The following NCAN variants were observed in gnomAD, a reference collection of about 807,000 sequenced individuals.
The protein encoded by NCAN is neurocan.
Under a neutral mutation model 121.8 loss-of-function variants are expected in NCAN, and 47 were observed. The observed-to-expected ratio is 0.39, with a 90% confidence interval of 0.31 to 0.49. The LOEUF (loss-of-function observed/expected upper bound fraction) is 0.49. NCAN is among the 20% of genes least tolerant of loss of function. The pLI, the probability that NCAN is intolerant of heterozygous loss-of-function variation, is 0.92. For missense variants in NCAN, 1,517 were observed against 1,773.4 expected (o/e 0.86, Z 2.60); for synonymous variants, 633 against 702.0 (o/e 0.90, Z 1.55).
rs201789808 is a variant in NCAN, at chr19:19,217,460, TC to T, written c.73+440del. Reference sequence around the variant, plus strand: ...CTCTCTGAACTTCAGTTTCCTCAACTCCCCCCAAAGAGAATGAGACATTGCT... The same window carrying T: ...CTCTCTGAACTTCAGTTTCCTCAACTCCCCCAAAGAGAATGAGACATTGCT... On this transcript the variant is annotated intron_variant, in intron 2 of 14. Transcript: ENST00000252575. 4.2e-3 allele frequency among the ~76,000 whole-genome samples: 635 copies of T among 151,802 alleles called. 5 individuals are homozygous for T. The highest frequency in any genetic ancestry group is 0.014 in the African/African-American group (590 of 41,362).
intron 1 of NCAN, among the ~76,000 whole-genome samples, chr19:19,214,727 GGT>G (rs56279536): frequency 0.61 from 86,499 of 140,916 alleles, 27,623 homozygotes; most frequent in Non-Finnish European, 0.72. Context: ...CTGTTAACGG[GGT>G]GTGTGTGTGT....
At chr19:19,215,355 G>C (rs941057749) in intron 1 of NCAN, among the ~76,000 whole-genome samples, 1 of 152,198 alleles carries the variant, frequency 6.6e-6, no homozygotes, top group Non-Finnish European at 1.5e-5. Flanking sequence ...GGTGACCGGG[G>C]TTCGCAGGAG....
At position 19,227,398 on chromosome 19, in the gene NCAN, C is replaced by G. The variant is rs531602650; in HGVS notation, c.1778C>G (p.Pro593Arg). The G allele has an allele frequency of 6.2e-7, 1 of 1,613,702 alleles. No individual in the cohort carries two copies. The highest frequency in any genetic ancestry group is 1.3e-5 in the African/African-American group (1 of 75,034). Residue 593 changes from proline to arginine, a missense_variant, in exon 8 of 15, where the codon CCC becomes CGC. Coordinates refer to ENST00000252575, the MANE Select transcript of NCAN (RefSeq NM_004386.3). This position sits in a 1 kb window ranked among gnomAD's most constrained non-coding sequence, Gnocchi z 4.2. ...CTGGAGCTAGAGAAAGCCGAGGGCC[C>G]CAGTGCCAGGCCAGCCACCCCAGAC... ...PVLELEKAEG[P>R]SARPATPDLF... is the part of the protein sequence containing the mutation.
At chr19:19,243,515 C>CAAAAAAAAA (rs781710638) in intron 12 of NCAN, among the ~76,000 whole-genome samples, 5 of 42,668 alleles carry the variant, frequency 1.2e-4, no homozygotes, top group African/African-American at 4.0e-4. Flanking sequence ...GACTCCATCT[C>CAAAAAAAAA]AAAAAAAAAA....
chr19:19,222,829 C>T (rs1446661427), intron 3 of NCAN, among the ~76,000 whole-genome samples: 1 of 152,066 alleles, frequency 6.6e-6, no homozygotes, highest in Non-Finnish European at 1.5e-5. Context: ...CACATTTGGG[C>T]CGGGCGCGGT....
At position 19,219,078 on chromosome 19, in the gene NCAN, C is replaced by T; in HGVS notation, c.237C>T (p.Thr79=). ...GAGATGCCCCTCGGATAAAGTGGAC[C>T]AAGGTGCGGACTGCGTCGGGCCAGC... ...AARDAPRIKW[T]KVRTASGQRQ... is the part of the protein sequence containing the mutation. The change falls in exon 3 of 15, where the codon ACC becomes ACT. Residue 79 remains threonine (T), a synonymous_variant. Transcript: ENST00000252575. 6.2e-7 allele frequency: 1 copy of T among 1,612,158 alleles called. No individual in the cohort carries two copies. Among genetic ancestry groups the T allele is most frequent in the Non-Finnish European group, 8.5e-7 (1 of 1,178,946 alleles).
At chr19:19,233,660 G>A in intron 8 of NCAN, 129 bp from the exon 9 acceptor site, 1 of 638,406 alleles carries the variant, frequency 1.6e-6, no homozygotes, top group South Asian at 1.9e-5. Context: ...ACCGCTGGTT[G>A]GGGAAGTTAT....
rs1568605443 is a variant in NCAN, at chr19:19,250,507, G to C, written c.*596G>C. 7.8e-6 allele frequency: 2 copies of C among 254,944 alleles called. No homozygotes were observed. Among genetic ancestry groups the C allele is most frequent in the Non-Finnish European group, 7.7e-6 (1 of 129,974 alleles). 15.8% of individuals were successfully genotyped at this position (254,944 alleles called of 1,614,324 possible). ...GGAGATCCCACGTACTGCATTTTAG[G>C]GATGTTTTTAGGACAACCTCCCTCC... is the stretch of plus-strand genomic sequence containing the variant. On this transcript the variant is annotated 3_prime_UTR_variant, in exon 15 of 15. Coordinates refer to ENST00000252575, the MANE Select transcript of NCAN (RefSeq NM_004386.3).
intron 12 of NCAN, among the ~76,000 whole-genome samples, chr19:19,243,820 G>T (rs1361254614): frequency 6.6e-6 from 1 of 152,028 alleles, no homozygotes; most frequent in African/African-American, 2.4e-5. Flanking sequence ...GAGGTCAGGA[G>T]TTCAAGACCA....
At chr19:19,223,934 T>G in intron 3 of NCAN, 87 bp from the exon 4 acceptor site, 1 of 1,339,696 alleles carries the variant, frequency 7.5e-7, no homozygotes, top group Non-Finnish European at 1.0e-6. Flanking sequence ...CAGACAGGGG[T>G]GGGGAGTCAT....
intron 10 of NCAN, among the ~76,000 whole-genome samples, chr19:19,236,870 A>G (rs1276069611): frequency 2.6e-5 from 4 of 151,968 alleles, no homozygotes; most frequent in African/African-American, 9.7e-5. Flanking sequence ...CTGGAACTAC[A>G]GGTTTGTGCC....
intron 10 of NCAN, among the ~76,000 whole-genome samples, chr19:19,236,022 C>T (rs2060879957): frequency 6.6e-6 from 1 of 152,224 alleles, no homozygotes; most frequent in Admixed American, 6.5e-5. Context: ...ACTGGGATTA[C>T]AGCCACTGAG....
intron 10 of NCAN, among the ~76,000 whole-genome samples, chr19:19,235,796 A>T (rs1190472866): frequency 1.3e-5 from 2 of 151,934 alleles, no homozygotes; most frequent in Admixed American, 6.6e-5. Flanking sequence ...GGCTGGATGG[A>T]GTGCAGTGGT....
At position 19,248,785 on chromosome 19, in the gene NCAN, G is replaced by T. The variant is rs756521699; in HGVS notation, c.3723G>T (p.Arg1241Ser). Reference protein sequence around the residue: ...KAKYNVHATVRYQCNEGFAQH... With the variant: ...KAKYNVHATVSYQCNEGFAQH... The stretch of plus-strand genomic sequence containing the variant: ...AGTACAATGTCCATGCCACTGTAAG[G>T]TACCAGTGCAATGAAGGATTTGCCC... Residue 1241 changes from arginine (R) to serine (S), a missense_variant, in exon 14 of 15, where the codon AGG becomes AGT. Arg to Ser is a moderately radical substitution (Grantham distance 110). Transcript: ENST00000252575. 2 of 1,614,188 alleles carry T rather than the reference G, an allele frequency of 1.2e-6. No homozygotes were observed. The highest frequency in any genetic ancestry group is 1.1e-5 in the South Asian group (1 of 91,080).
In NCAN at chr19:19,238,338, C is replaced by T. The variant is rs747778207; in HGVS notation, c.3336C>T (p.Ala1112=). Residue 1112 remains alanine (A), a synonymous_variant, in exon 11 of 15, where the codon GCC becomes GCT. Coordinates refer to ENST00000252575, the MANE Select transcript of NCAN (RefSeq NM_004386.3). ...YFAHRRAWED[A]EKDCRRRSGH... Reference sequence around the variant, plus strand: ...CCCACCGGAGGGCATGGGAAGATGCCGAGAAGGACTGCCGCCGCCGCTCCG... The same window carrying T: ...CCCACCGGAGGGCATGGGAAGATGCTGAGAAGGACTGCCGCCGCCGCTCCG... 223 of 1,614,056 alleles carry T rather than the reference C, an allele frequency of 1.4e-4. No individual in the cohort carries two copies. Among genetic ancestry groups the T allele is most frequent in the Admixed American group, 9.3e-4 (56 of 60,000 alleles).
At chr19:19,236,953 C>G (rs1430573117) in intron 10 of NCAN, among the ~76,000 whole-genome samples, 2 of 152,084 alleles carry the variant, frequency 1.3e-5, no homozygotes, top group African/African-American at 4.8e-5. Context: ...CTCACTCTGT[C>G]ACCTAGGCTG....
At chr19:19,232,024 C>T (rs539882656) in intron 8 of NCAN, among the ~76,000 whole-genome samples, 28 of 151,774 alleles carry the variant, frequency 1.8e-4, no homozygotes, top group South Asian at 1.3e-3. Context: ...AGAGAAGAGA[C>T]GGGCTAGGTG....
chr19:19,218,891 C>T (rs1020436852), intron 2 of NCAN, 24 bp from the exon 3 acceptor site: 26 of 1,473,354 alleles, frequency 1.8e-5, no homozygotes, highest in South Asian at 2.9e-5. Flanking sequence ...GAATCAGGCC[C>T]TCTCTCCACC....
Position 19,225,251 on chromosome 19 carries a change from C to T in NCAN, c.1053C>T (p.Phe351=), listed in dbSNP as rs745823212. ...GCTTCCCCTCACCCGCCGAGCGCTTCGACGCCTACTGCTTCCGAGGTGCGT... is the reference window on the plus strand; with the variant it reads ...GCTTCCCCTCACCCGCCGAGCGCTTTGACGCCTACTGCTTCCGAGGTGCGT... ...RTGFPSPAER[F]DAYCFRAHHP... The change falls in exon 6 of 15, where the codon TTC becomes TTT. Residue 351 remains phenylalanine, a synonymous_variant. Transcript: ENST00000252575. This position sits in a 1 kb window ranked among gnomAD's most constrained non-coding sequence, Gnocchi z 4.0. 38 of 1,552,580 alleles carry T rather than the reference C, an allele frequency of 2.4e-5. No individual in the cohort carries two copies. Among genetic ancestry groups the T allele is most frequent in the Middle Eastern group, 1.7e-4 (1 of 5,902 alleles).
Sources: allele counts gnomAD v4.1 joint callset (sites outside exome capture counted in the v4.1 genomes callset), GRCh38; gene constraint gnomAD v4.1.1; non-coding constraint Gnocchi (gnomAD v3.1); transcripts MANE v1.5; gene names NCBI Gene and HGNC (gene_info 2026-07-23, HGNC 2026-07-21).